PTPRD: variants seen among roughly 807,000 people sequenced by gnomAD.
The protein encoded by PTPRD is receptor-type tyrosine-protein phosphatase delta.
In PTPRD, 34 loss-of-function variants were observed where a neutral mutation model predicts 214.5. The observed-to-expected ratio is 0.16, with a 90% confidence interval of 0.12 to 0.21. The LOEUF (loss-of-function observed/expected upper bound fraction) is 0.21, where lower values mean the gene tolerates loss of function less well. Among genes scored for constraint, PTPRD ranks in the 10% least tolerant of loss-of-function variants. The probability of loss-of-function intolerance (pLI) is 1.00; values close to 1 mark genes in which losing one functional copy is unlikely to be tolerated. For missense variants in PTPRD, 2,545 were observed against 2,398.7 expected, an observed-to-expected ratio of 1.06 and a Z score of -1.27; for synonymous variants, 1,128 against 845.7, an observed-to-expected ratio of 1.33 and a Z score of -5.79.
intron 11 of PTPRD, among the ~76,000 whole-genome samples, chr9:8,875,910 A>C (rs531563529): frequency 2.0e-5 from 3 of 152,268 alleles, no homozygotes; most frequent in Admixed American, 2.0e-4. Context: ...TGTGACATGG[A>C]AAGATGGAAA....
intron 2 of PTPRD, among the ~76,000 whole-genome samples, chr9:10,558,128 C>T (rs1327598759): frequency 6.6e-6 from 1 of 152,122 alleles, no homozygotes; most frequent in African/African-American, 2.4e-5. Flanking sequence ...GGCTAATATG[C>T]TGAAAGAGTG....
At chr9:9,903,912 C>G (rs1466203928) in intron 5 of PTPRD, among the ~76,000 whole-genome samples, 1 of 152,106 alleles carries the variant, frequency 6.6e-6, no homozygotes, top group East Asian at 1.9e-4. Context: ...ATGTGTCAAT[C>G]AACTAATAGG....
chr9:8,506,059 A>G (rs1271977162), intron 22 of PTPRD, among the ~76,000 whole-genome samples: 1 of 152,238 alleles, frequency 6.6e-6, no homozygotes, highest in Non-Finnish European at 1.5e-5. Context: ...CTGCATTTAA[A>G]ACCTATTCTT....
In PTPRD at chr9:8,518,258, T is replaced by C. The variant is rs2138558351; in HGVS notation, c.1133A>G (p.Tyr378Cys). ...KEIDGVATTR[Y>C]SVAGLSPYSD... is the part of the protein sequence containing the mutation. Reference sequence around the variant, plus strand: ...GTAGGGACTTAGTCCAGCGACACTGTAGCGTGTGGTCGCCACCCCATCAAT... The same window carrying C: ...GTAGGGACTTAGTCCAGCGACACTGCAGCGTGTGGTCGCCACCCCATCAAT... Residue 378 changes from tyrosine (Y) to cysteine (C), a missense_variant, in exon 21 of 46, where the codon TAC becomes TGC. Physicochemically the swap from Tyr to Cys is radical, Grantham distance 194. Coordinates refer to ENST00000381196, the MANE Select transcript of PTPRD (RefSeq NM_002839.4). 1 of 1,614,174 alleles carries C rather than the reference T, an allele frequency of 6.2e-7. No homozygotes were observed. Among genetic ancestry groups the C allele is most frequent in the South Asian group, 1.1e-5 (1 of 91,086 alleles).
rs932395961 is a variant in PTPRD at position 10,601,977 on chromosome 9, A to G, written c.-600+10421T>C. On this transcript the variant is annotated intron_variant, in intron 2 of 45. Transcript: ENST00000381196. ...AGATAATCCAATTATCCTGTTCACT[A>G]CGTGTTTACATATCTTTCACACCTG... 8.6e-5 allele frequency among the ~76,000 whole-genome samples: 13 copies of G among 151,804 alleles called. 1 individual carries two copies. Among genetic ancestry groups the G allele is most frequent in the African/African-American group, 2.9e-4 (12 of 41,394 alleles).
chr9:10,314,113 A>T (rs768474667), intron 3 of PTPRD, among the ~76,000 whole-genome samples: 2 of 151,962 alleles, frequency 1.3e-5, no homozygotes, highest in Non-Finnish European at 2.9e-5. Context: ...CAGGTAGAGA[A>T]GATATTCAGA....
chr9:9,416,330 T>A (rs531830536), intron 8 of PTPRD, among the ~76,000 whole-genome samples: 1 of 152,218 alleles, frequency 6.6e-6, no homozygotes, highest in Admixed American at 6.5e-5. Context: ...GTCTTGATTT[T>A]GAAATAAGAC....
At chr9:10,174,487 A>G (rs2099233915) in intron 3 of PTPRD, among the ~76,000 whole-genome samples, 1 of 152,142 alleles carries the variant, frequency 6.6e-6, no homozygotes, top group Non-Finnish European at 1.5e-5. Context: ...CAGAATTGTG[A>G]GCCAAAGAAA....
rs796422023 is a variant in PTPRD, at chr9:8,421,990, A to T, written c.4086+14602T>A. 9.2e-5 allele frequency among the ~76,000 whole-genome samples: 14 copies of T among 151,760 alleles called. 2 individuals are homozygous for T. The highest frequency in any genetic ancestry group is 3.4e-4 in the African/African-American group (14 of 41,376). ...TGGCGAAACCTCATCTCTACAAAAA[A>T]TGAAAAGTTAGCCAGTGGGGTGGTG... On this transcript the variant is annotated intron_variant, in intron 35 of 45. Transcript: ENST00000381196.
intron 7 of PTPRD, among the ~76,000 whole-genome samples, chr9:9,710,750 T>A (rs528623601): frequency 1.0e-3 from 158 of 152,300 alleles, no homozygotes; most frequent in African/African-American, 3.7e-3. Flanking sequence ...CAGAAAGTTG[T>A]CTATCCACAT....
intron 11 of PTPRD, among the ~76,000 whole-genome samples, chr9:9,011,280 C>A (rs1405627119): frequency 6.6e-6 from 1 of 152,142 alleles, no homozygotes; most frequent in Admixed American, 6.6e-5. Context: ...GCTTATAATT[C>A]ATCTATTATT....
chr9:9,544,479 A>G (rs2078313724), intron 8 of PTPRD, among the ~76,000 whole-genome samples: 2 of 151,644 alleles, frequency 1.3e-5, no homozygotes. Flanking sequence ...ATTTATTTCA[A>G]AATAATCTCA....
chr9:9,996,129 A>G (rs1022611020), intron 4 of PTPRD, among the ~76,000 whole-genome samples: 19 of 152,044 alleles, frequency 1.2e-4, no homozygotes, highest in African/African-American at 4.3e-4. Context: ...TTATCTTTCT[A>G]CTGTGATTAT....
At chr9:9,371,564 C>T (rs1043620888) in intron 9 of PTPRD, among the ~76,000 whole-genome samples, 17 of 152,120 alleles carry the variant, frequency 1.1e-4, no homozygotes, top group African/African-American at 1.9e-4. Context: ...AAAAAACCAG[C>T]TCCTGGATTC....
intron 23 of PTPRD, among the ~76,000 whole-genome samples, chr9:8,502,222 AT>A (rs1470058224): frequency 1.3e-5 from 2 of 152,176 alleles, no homozygotes; most frequent in Admixed American, 6.5e-5. Flanking sequence ...ACTTAATAAT[AT>A]TATGTTCCTA....
Position 8,987,376 on chromosome 9 carries a change from G to C in PTPRD, c.-104+31321C>G, listed in dbSNP as rs1048533127. On this transcript the variant is annotated intron_variant, in intron 11 of 45. Transcript: ENST00000381196. ...ACAAATATTTCCAGCAGGAGCATGC[G>C]TTGCAGTACATTAACACAATGATTA... Among the ~76,000 whole-genome samples the C allele has an allele frequency of 7.2e-5, 11 of 152,142 alleles. No homozygotes were observed. In the South Asian group the frequency reaches 1.9e-3, roughly 26 times the overall value.
At chr9:10,077,196 CT>C (rs966186065) in intron 3 of PTPRD, among the ~76,000 whole-genome samples, 1 of 152,108 alleles carries the variant, frequency 6.6e-6, no homozygotes, top group East Asian at 1.9e-4. Context: ...ATACCTGTAG[CT>C]TTTTTTGTAA....
chr9:9,577,400 C>CA (rs2089250265), intron 7 of PTPRD, among the ~76,000 whole-genome samples: 2 of 151,718 alleles, frequency 1.3e-5, no homozygotes, highest in South Asian at 2.1e-4. Flanking sequence ...CCCATCTCTA[C>CA]AAAAAAATAC....
At chr9:9,826,150 T>C (rs1335637374) in intron 5 of PTPRD, among the ~76,000 whole-genome samples, 1 of 151,826 alleles carries the variant, frequency 6.6e-6, no homozygotes. Context: ...TTTAATAGTT[T>C]TTACGTCTTT....
Sources: gnomAD v4.1 joint callset for allele counts (sites outside exome capture counted in the v4.1 genomes callset) on GRCh38, gnomAD v4.1.1 for gene constraint, MANE v1.5 for transcripts, NCBI Gene and HGNC (gene_info 2026-07-23, HGNC 2026-07-21) for gene names.